Variants in ADGRL2 observed in about 807,000 individuals in gnomAD.
ADGRL2 encodes adhesion G protein-coupled receptor L2.
In ADGRL2, 44 loss-of-function variants were observed where a neutral mutation model predicts 157.4. The observed-to-expected ratio is 0.28, with a 90% CI of 0.22 to 0.36. The LOEUF is 0.36. ADGRL2 is among the 10% of genes least tolerant of loss of function. The pLI, the probability that ADGRL2 is intolerant of heterozygous loss-of-function variation, is 1.00. For synonymous variants in ADGRL2, 585 were observed against 624.7 expected (o/e 0.94, Z 0.95); for missense variants, 1,510 against 1,768.9 (o/e 0.85, Z 2.63).
chr1:81,991,318 C>G lies in ADGRL2; in HGVS notation c.*173C>G. 1 of 568,522 alleles carries G rather than the reference C, an allele frequency of 1.8e-6. No individual in the cohort carries two copies. The highest frequency in any genetic ancestry group is 3.0e-6 in the Non-Finnish European group (1 of 329,552). The allele number at this position is 568,522 out of a possible 1,614,324, so 35.2% of individuals were successfully genotyped here. A position where few individuals can be genotyped will look rare whatever the true frequency, so the allele number is the denominator to read the frequency against. ...GTTCTGTGAATTTTTATAAAACATA[C>G]AAAAACTTTGTATATACACAGAGTA... On this transcript the variant is annotated 3_prime_UTR_variant, in exon 24 of 24. Coordinates refer to ENST00000686636, the MANE Select transcript of ADGRL2 (RefSeq NM_001366006.2).
At chr1:81,540,824 C>T (rs1457652698) in intron 2 of ADGRL2, among the ~76,000 whole-genome samples, 1 of 151,852 alleles carries the variant, frequency 6.6e-6, no homozygotes, top group Non-Finnish European at 1.5e-5. Context: ...ATCACTTTTG[C>T]TTTTGTTGGA....
chr1:81,933,868 T>G (rs2095270758), intron 3 of ADGRL2, among the ~76,000 whole-genome samples: 1 of 152,138 alleles, frequency 6.6e-6, no homozygotes, highest in Non-Finnish European at 1.5e-5. Context: ...CTAATTTTCT[T>G]GTACTTTTTA....
intron 1 of ADGRL2, among the ~76,000 whole-genome samples, chr1:81,726,032 G>A (rs2084517172): frequency 6.6e-6 from 1 of 152,046 alleles, no homozygotes; most frequent in African/African-American, 2.4e-5. Context: ...AAAACAATCC[G>A]CAGGTGGTCT....
chr1:81,867,280 G>C (rs2150927001), intron 2 of ADGRL2, among the ~76,000 whole-genome samples: 1 of 152,268 alleles, frequency 6.6e-6, no homozygotes, highest in Non-Finnish European at 1.5e-5. Flanking sequence ...TGTATATAAA[G>C]TGCTTTGCTA....
intron 3 of ADGRL2, among the ~76,000 whole-genome samples, chr1:81,688,608 T>C (rs2083275781): frequency 6.6e-6 from 1 of 152,224 alleles, no homozygotes; most frequent in Admixed American, 6.5e-5. Flanking sequence ...TGCATTGGGC[T>C]TTGCCTTTCT....
chr1:81,904,207 G>GAA, intron 2 of ADGRL2, among the ~76,000 whole-genome samples: 1 of 151,466 alleles, frequency 6.6e-6, no homozygotes, highest in East Asian at 1.9e-4. Flanking sequence ...TAGCAGGGTA[G>GAA]ATATATATAT....
intron 1 of ADGRL2, among the ~76,000 whole-genome samples, chr1:81,805,730 T>TTA (rs751581345): frequency 1.2e-4 from 17 of 137,558 alleles, no homozygotes; most frequent in South Asian, 4.6e-4. Flanking sequence ...CTTTAGTGGT[T>TTA]AAAAAAAAAA....
intron 1 of ADGRL2, among the ~76,000 whole-genome samples, chr1:81,308,328 G>T (rs1465074050): frequency 6.6e-6 from 1 of 152,006 alleles, no homozygotes; most frequent in Non-Finnish European, 1.5e-5. Context: ...AGCATTACAG[G>T]GAAAGAAAAG....
chr1:81,896,249 T>C (rs1002464360), intron 2 of ADGRL2, among the ~76,000 whole-genome samples: 1 of 152,212 alleles, frequency 6.6e-6, no homozygotes, highest in Admixed American at 6.5e-5. Context: ...TGCGAATGAC[T>C]TCAGATATTA....
At chr1:81,563,513 T>C (rs2080491470) in intron 2 of ADGRL2, among the ~76,000 whole-genome samples, 1 of 152,096 alleles carries the variant, frequency 6.6e-6, no homozygotes, top group South Asian at 2.1e-4. Context: ...CTTGTTTTAT[T>C]TGTCTTATTA....
intron 3 of ADGRL2, among the ~76,000 whole-genome samples, chr1:81,933,765 A>G (rs1431387293): frequency 6.6e-6 from 1 of 152,098 alleles, no homozygotes; most frequent in African/African-American, 2.4e-5. Flanking sequence ...CCCTTTATAA[A>G]GGAATATAAA....
At chr1:81,341,859 T>C (rs1300899724) in intron 1 of ADGRL2, among the ~76,000 whole-genome samples, 1 of 152,188 alleles carries the variant, frequency 6.6e-6, no homozygotes, top group Non-Finnish European at 1.5e-5. Flanking sequence ...AGATCAAAAT[T>C]TGAACTAAAC....
intron 3 of ADGRL2, among the ~76,000 whole-genome samples, chr1:81,643,117 G>A (rs558247469): frequency 6.6e-6 from 1 of 152,238 alleles, no homozygotes; most frequent in African/African-American, 2.4e-5. Context: ...AAAGTATACA[G>A]ATTGGGAAGG....
At chr1:81,717,912 A>G (rs945870917) in intron 1 of ADGRL2, among the ~76,000 whole-genome samples, 1 of 152,250 alleles carries the variant, frequency 6.6e-6, no homozygotes, top group Non-Finnish European at 1.5e-5. Context: ...TTGAAAACAT[A>G]CTTTTACCCT....
chr1:81,670,004 G>GAGAC (rs1475478714), intron 3 of ADGRL2, among the ~76,000 whole-genome samples: 1 of 150,946 alleles, frequency 6.6e-6, no homozygotes, highest in Non-Finnish European at 1.5e-5. Flanking sequence ...CATTTAAACT[G>GAGAC]AGACCTGGGG....
intron 2 of ADGRL2, among the ~76,000 whole-genome samples, chr1:81,550,177 T>C (rs1028622543): frequency 2.6e-5 from 4 of 152,308 alleles, no homozygotes; most frequent in Middle Eastern, 3.4e-3. Context: ...TGCCTTATAT[T>C]GCAAGATTGT....
chr1:81,591,804 C>T (rs1198907637), intron 3 of ADGRL2, among the ~76,000 whole-genome samples: 7 of 152,102 alleles, frequency 4.6e-5, no homozygotes, highest in South Asian at 4.1e-4. Flanking sequence ...TGGCCTTCAG[C>T]GAATAGTTGA....
chr1:81,452,751 A>G (rs538593625), intron 2 of ADGRL2, among the ~76,000 whole-genome samples: 1 of 152,298 alleles, frequency 6.6e-6, no homozygotes, highest in African/African-American at 2.4e-5. Context: ...CTATTGGAAA[A>G]CCGCTGAGTA....
intron 1 of ADGRL2, among the ~76,000 whole-genome samples, chr1:81,315,548 C>G (rs1221779771): frequency 1.3e-5 from 2 of 152,142 alleles, no homozygotes; most frequent in African/African-American, 4.8e-5. Flanking sequence ...GAAAGTCCCT[C>G]AGGGCTTATG....
Sources: allele counts gnomAD v4.1 joint callset (sites outside exome capture counted in the v4.1 genomes callset), GRCh38; gene constraint gnomAD v4.1.1; transcripts MANE v1.5; gene names NCBI Gene and HGNC (gene_info 2026-07-23, HGNC 2026-07-21).